STK4: variants seen among roughly 807,000 people sequenced by gnomAD.
STK4 encodes serine/threonine-protein kinase 4.
In STK4, 30 loss-of-function variants were observed where a neutral mutation model predicts 64.9. The ratio of observed to expected loss-of-function variants is 0.46; its 90% CI spans 0.35 to 0.63. The LOEUF is 0.63. STK4 is among the 20% of genes least tolerant of loss of function. The probability of loss-of-function intolerance (pLI) is 0.01; values close to 1 mark genes in which losing one functional copy is unlikely to be tolerated. For synonymous variants in STK4, 177 were observed against 199.0 expected (o/e 0.89, Z 0.93); for missense variants, 466 against 598.5 (o/e 0.78, Z 2.31).
chr20:44,976,982 A>G (rs1178436187), intron 2 of STK4, among the ~76,000 whole-genome samples: 1 of 152,230 alleles, frequency 6.6e-6, no homozygotes, highest in Non-Finnish European at 1.5e-5. Flanking sequence ...CAGCAGAATT[A>G]TCTTCAAATT....
At chr20:45,049,889 C>G (rs1279027074) in intron 10 of STK4, among the ~76,000 whole-genome samples, 1 of 152,130 alleles carries the variant, frequency 6.6e-6, no homozygotes, top group Non-Finnish European at 1.5e-5. Flanking sequence ...TGGCTTTGTA[C>G]TCCATCACTT....
rs1052118253 is a variant in STK4 at position 44,978,687 on chromosome 20, A to T, written c.245+116A>T. ...GATATTTTGCAGAAGGGAGAATTCG[A>T]TGGAATCACTGTGCATTTTCTTTTC... On this transcript the variant is annotated intron_variant, in intron 3 of 10. Transcript: ENST00000372806. The T allele has an allele frequency of 2.6e-6, 3 of 1,172,406 alleles. No homozygotes were observed. The African/African-American group carries it at 4.7e-5, about 18-fold the overall frequency. The allele number at this position is 1,172,406 out of a possible 1,614,324, so 72.6% of individuals were successfully genotyped here. A position where few individuals can be genotyped will look rare whatever the true frequency, so the allele number is the denominator to read the frequency against.
At chr20:45,049,815 TTTG>T (rs1373047717) in intron 10 of STK4, among the ~76,000 whole-genome samples, 1 of 152,096 alleles carries the variant, frequency 6.6e-6, no homozygotes, top group South Asian at 2.1e-4. Context: ...CCATCTCAAT[TTTG>T]TTGTTGTGGA....
At chr20:44,975,078 A>C (rs752346464) in intron 2 of STK4, 1 of 152,372 alleles carries the variant, frequency 6.6e-6, no homozygotes, top group South Asian at 2.1e-4. Flanking sequence ...ATGGTTTCAT[A>C]AAAAATGAGT....
chr20:45,007,223 A>G (rs1489212366), intron 9 of STK4, among the ~76,000 whole-genome samples: 3 of 152,200 alleles, frequency 2.0e-5, no homozygotes, highest in Non-Finnish European at 2.9e-5. Flanking sequence ...GTTCATGGTC[A>G]CATGGCTAGT....
intron 5 of STK4, among the ~76,000 whole-genome samples, chr20:44,990,513 G>A (rs979427109): frequency 6.6e-6 from 1 of 151,936 alleles, no homozygotes; most frequent in African/African-American, 2.4e-5. Context: ...TGACTTGGCT[G>A]TTTGGTTGTG....
intron 9 of STK4, among the ~76,000 whole-genome samples, chr20:45,018,873 G>A (rs949703878): frequency 6.6e-6 from 1 of 151,528 alleles, no homozygotes; most frequent in Non-Finnish European, 1.5e-5. Context: ...GACTACAGGT[G>A]TGCACCACTA....
At chr20:45,058,124 C>T (rs745800875) in intron 10 of STK4, among the ~76,000 whole-genome samples, 4 of 151,820 alleles carry the variant, frequency 2.6e-5, no homozygotes, top group Non-Finnish European at 5.9e-5. Flanking sequence ...ATGTTTTTGA[C>T]ACTGTAGAGA....
In STK4 at chr20:45,075,989, T is replaced by A. The variant is rs928478776; in HGVS notation, c.*813T>A. On this transcript the variant is annotated 3_prime_UTR_variant, in exon 11 of 11. Transcript: ENST00000372806. Reference sequence around the variant, plus strand: ...CTGCCCAGTGCCTTAAGAGGAGACATGATCTCTACCAGGGACTCTCAGCAA... The same window carrying A: ...CTGCCCAGTGCCTTAAGAGGAGACAAGATCTCTACCAGGGACTCTCAGCAA... 6.6e-6 allele frequency: 1 copy of A among 152,642 alleles called. No individual in the cohort carries two copies. The highest frequency in any genetic ancestry group is 2.4e-5 in the African/African-American group (1 of 41,442). 9.5% of individuals were successfully genotyped at this position (152,642 alleles called of 1,614,324 possible).
At chr20:45,028,342 T>TA (rs759375940) in intron 10 of STK4, among the ~76,000 whole-genome samples, 2 of 151,486 alleles carry the variant, frequency 1.3e-5, no homozygotes, top group South Asian at 2.1e-4. Context: ...TTTTTTTTTT[T>TA]AAGAGATAGG....
At chr20:45,064,067 C>A (rs934161158) in intron 10 of STK4, among the ~76,000 whole-genome samples, 3 of 151,600 alleles carry the variant, frequency 2.0e-5, no homozygotes, top group Non-Finnish European at 4.4e-5. Context: ...CTCAGCCTCC[C>A]AAAGTGCTGG....
At chr20:45,072,686 A>G (rs1377833730) in intron 10 of STK4, among the ~76,000 whole-genome samples, 7 of 152,250 alleles carry the variant, frequency 4.6e-5, no homozygotes, top group African/African-American at 1.7e-4. Context: ...GTTAACAGGT[A>G]TTATGTACCA....
intron 2 of STK4, 75 bp downstream of exon 2, chr20:44,972,233 G>T (rs1002154859): frequency 1.5e-6 from 2 of 1,328,064 alleles, no homozygotes; most frequent in African/African-American, 1.5e-5. Context: ...AGAAGGATAT[G>T]AACCTTTCAG....
intron 9 of STK4, among the ~76,000 whole-genome samples, chr20:45,005,507 GC>G (rs919810854): frequency 5.2e-4 from 79 of 152,082 alleles, no homozygotes; most frequent in African/African-American, 1.9e-3. Context: ...TATTAGCCGG[GC>G]ATGGTGGCAG....
intron 10 of STK4, chr20:45,053,294 A>C: frequency 1.2e-6 from 1 of 841,908 alleles, no homozygotes; most frequent in Non-Finnish European, 1.9e-6. Context: ...CTTTGAGAGC[A>C]GGACTTAAAT....
chr20:45,036,650 C>T (rs111701281), intron 10 of STK4, among the ~76,000 whole-genome samples: 4 of 152,216 alleles, frequency 2.6e-5, no homozygotes, highest in Admixed American at 2.0e-4. Context: ...GTGGTAAGAA[C>T]GAATCATCCA....
At chr20:45,061,554 C>G (rs1979002940) in intron 10 of STK4, among the ~76,000 whole-genome samples, 1 of 151,550 alleles carries the variant, frequency 6.6e-6, no homozygotes, top group African/African-American at 2.4e-5. Context: ...ATTGGTATTA[C>G]AGTGCTTCTG....
intron 2 of STK4, among the ~76,000 whole-genome samples, chr20:44,978,198 TA>T (rs202089893): frequency 0.059 from 9,011 of 152,340 alleles, 376 homozygotes; most frequent in Non-Finnish European, 0.096. Flanking sequence ...GCAGCTACTA[TA>T]TTACCATCTC....
intron 10 of STK4, among the ~76,000 whole-genome samples, chr20:45,045,354 G>A (rs2068676950): frequency 6.6e-6 from 1 of 152,128 alleles, no homozygotes; most frequent in South Asian, 2.1e-4. Context: ...TTCCTACTTG[G>A]TGCCAGAATC....
Sources: allele counts gnomAD v4.1 joint callset (sites outside exome capture counted in the v4.1 genomes callset), GRCh38; gene constraint gnomAD v4.1.1; transcripts MANE v1.5; gene names NCBI Gene and HGNC (gene_info 2026-07-23, HGNC 2026-07-21).